Variants in ITSN1 observed in about 807,000 individuals in gnomAD.
The protein encoded by ITSN1 is intersectin-1.
ITSN1 carries 58 observed loss-of-function variants against 239.8 expected under a neutral mutation model. The observed-to-expected ratio is 0.24, with a 90% CI of 0.20 to 0.30. The LOEUF is 0.30. ITSN1 is among the 10% of genes least tolerant of loss of function. The pLI is 1.00. For synonymous variants in ITSN1, 780 were observed against 770.8 expected, an observed-to-expected ratio of 1.01 and a Z score of -0.20; for missense variants, 1,558 against 2,103.3, an observed-to-expected ratio of 0.74 and a Z score of 5.07.
At chr21:33,690,835 A>T (rs1235384635) in intron 1 of ITSN1, among the ~76,000 whole-genome samples, 1 of 71,824 alleles carries the variant, frequency 1.4e-5, no homozygotes, top group Non-Finnish European at 2.9e-5. Context: ...ATATATATAT[A>T]TATGTAAAAG....
chr21:33,885,005 TTC>T (rs1985546713), intron 36 of ITSN1, 34 bp from the exon 37 acceptor site: 7 of 1,551,074 alleles, frequency 4.5e-6, no homozygotes, highest in Non-Finnish European at 6.2e-6. Context: ...TTTCCTGAGT[TTC>T]TGTTTGGCAA....
At chr21:33,800,739 C>T (rs1464012222) in intron 19 of ITSN1, among the ~76,000 whole-genome samples, 1 of 151,440 alleles carries the variant, frequency 6.6e-6, no homozygotes, top group Non-Finnish European at 1.5e-5. Context: ...GTTCTAGTTA[C>T]TCTCTTTAGA....
intron 5 of ITSN1, among the ~76,000 whole-genome samples, chr21:33,748,406 G>T (rs541737053): frequency 6.6e-6 from 1 of 152,050 alleles, no homozygotes; most frequent in African/African-American, 2.4e-5. Flanking sequence ...CTGTGATCAC[G>T]TGACTGTACT....
chr21:33,712,048 T>C (rs2092432785), intron 1 of ITSN1, among the ~76,000 whole-genome samples: 2 of 152,246 alleles, frequency 1.3e-5, no homozygotes, highest in African/African-American at 2.4e-5. Context: ...AGTTTTTCTT[T>C]CTCTGCTGAT....
At position 33,761,907 on chromosome 21, in the gene ITSN1, C is replaced by A. The variant is rs367975857; in HGVS notation, c.725-16C>A. On this transcript the variant is annotated splice_polypyrimidine_tract_variant and intron_variant, in intron 8 of 39. Coordinates refer to ENST00000381318, the MANE Select transcript of ITSN1 (RefSeq NM_003024.3). ...TGCTGACTCATCTGTATGTCCTTTT[C>A]CTGGTTCCTGTTTAGGTCCCCAAGC... 6.2e-6 allele frequency: 10 copies of A among 1,606,810 alleles called. No individual in the cohort carries two copies. The highest frequency in any genetic ancestry group is 1.3e-5 in the African/African-American group (1 of 74,710).
chr21:33,750,064 A>T, intron 5 of ITSN1, 79 bp from the exon 6 acceptor site: 1 of 1,271,456 alleles, frequency 7.9e-7, no homozygotes, highest in Non-Finnish European at 1.1e-6. Context: ...GATTTTCTTT[A>T]AGCAGTACTG....
At position 33,718,773 on chromosome 21, in the gene ITSN1, T is replaced by A; in HGVS notation, c.-32-24T>A. Reference sequence around the variant, plus strand: ...TACAGGAATTAAGTTTTCATAAACTTAAATGTTGCATTTTCACTTACAGGC... The same window carrying A: ...TACAGGAATTAAGTTTTCATAAACTAAAATGTTGCATTTTCACTTACAGGC... On this transcript the variant is annotated intron_variant, in intron 1 of 39. Transcript: ENST00000381318. 2.0e-6 allele frequency: 3 copies of A among 1,521,180 alleles called. No homozygotes were observed. In the Admixed American group the frequency reaches 5.1e-5, roughly 26 times the overall value. The allele number at this position is 1,521,180 out of a possible 1,614,324, so 94.2% of individuals were successfully genotyped here. A position where few individuals can be genotyped will look rare whatever the true frequency, so the allele number is the denominator to read the frequency against.
chr21:33,866,143 CTTGTGGA>C lies in ITSN1; in HGVS notation c.4074+810_4074+816del, dbSNP rs964391469. 3.8e-3 allele frequency among the ~76,000 whole-genome samples: 586 copies of C among 152,332 alleles called. 7 individuals carry two copies. Among genetic ancestry groups the C allele is most frequent in the African/African-American group, 0.013 (555 of 41,566 alleles). On this transcript the variant is annotated intron_variant, in intron 32 of 39. Coordinates refer to ENST00000381318, the MANE Select transcript of ITSN1 (RefSeq NM_003024.3). ...CATCCTCACCTGTCCTAGAGTGGTG[CTTGTGGA>C]ATCACTGTGGTGAGGCACAAGCGCA... is the stretch of plus-strand genomic sequence containing the variant.
chr21:33,774,715 T>G lies in ITSN1; in HGVS notation c.1306-14T>G. The G allele has an allele frequency of 1.2e-6, 2 of 1,608,514 alleles. No individual in the cohort carries two copies. The highest frequency in any genetic ancestry group is 2.7e-5 in the African/African-American group (2 of 74,424). ...AACTGAAAAATTAGTAATTTGTCTC[T>G]GTAAATGTCACAGGCTGCAAAACGG... On this transcript the variant is annotated splice_polypyrimidine_tract_variant and intron_variant, in intron 12 of 39. Transcript: ENST00000381318.
At chr21:33,653,773 C>T (rs752073365) in intron 1 of ITSN1, among the ~76,000 whole-genome samples, 9 of 152,150 alleles carry the variant, frequency 5.9e-5, no homozygotes, top group Non-Finnish European at 7.4e-5. Context: ...CCGCCCGTCT[C>T]GGCCTCCCAC....
intron 28 of ITSN1, among the ~76,000 whole-genome samples, chr21:33,835,350 G>A (rs2074542570): frequency 6.6e-6 from 1 of 152,126 alleles, no homozygotes; most frequent in Non-Finnish European, 1.5e-5. Context: ...TCCATGTACA[G>A]CCCCTTCCTC....
At chr21:33,723,548 A>C (rs2065630013) in intron 4 of ITSN1, among the ~76,000 whole-genome samples, 2 of 152,074 alleles carry the variant, frequency 1.3e-5, no homozygotes. Context: ...CAGGAGGCAG[A>C]GCTTGCAGTG....
intron 33 of ITSN1, among the ~76,000 whole-genome samples, chr21:33,875,013 T>G (rs1019107680): frequency 2.3e-4 from 35 of 152,226 alleles, no homozygotes; most frequent in African/African-American, 7.5e-4. Flanking sequence ...TGTGATCCTG[T>G]GAGTCTGCAT....
intron 24 of ITSN1, among the ~76,000 whole-genome samples, 186 bp downstream of exon 24, chr21:33,819,509 A>G (rs1391181341): frequency 6.6e-6 from 1 of 152,224 alleles, no homozygotes; most frequent in Non-Finnish European, 1.5e-5. Context: ...CAGGTATATT[A>G]ATCATCAAAA....
At position 33,799,792 on chromosome 21, in the gene ITSN1, CT is replaced by C. The variant is rs779629540; in HGVS notation, c.2183-9del. ...AATTATTTATTTTTGTCCCCCCCACCTTTTTTTGTAAACAGAAAAAGGTCCA... is the reference window on the plus strand; with the variant it reads ...AATTATTTATTTTTGTCCCCCCCACCTTTTTTGTAAACAGAAAAAGGTCCA... On this transcript the variant is annotated splice_polypyrimidine_tract_variant and intron_variant, in intron 18 of 39. Coordinates refer to ENST00000381318, the MANE Select transcript of ITSN1 (RefSeq NM_003024.3). 12 of 1,611,520 alleles carry C rather than the reference CT, an allele frequency of 7.4e-6. No homozygotes were observed. The African/African-American group carries it at 8.0e-5, about 11-fold the overall frequency.
intron 33 of ITSN1, among the ~76,000 whole-genome samples, chr21:33,868,390 C>T (rs878983744): frequency 4.6e-5 from 7 of 152,338 alleles, no homozygotes; most frequent in Admixed American, 2.6e-4. Context: ...CGGGGAGGCT[C>T]GGGCTGCACA....
chr21:33,691,403 C>T (rs1601662520), intron 1 of ITSN1, among the ~76,000 whole-genome samples: 1 of 152,130 alleles, frequency 6.6e-6, no homozygotes, highest in Non-Finnish European at 1.5e-5. Context: ...ATTTAATTAT[C>T]TTTGTTAAAG....
At chr21:33,815,539 GGC>G (rs1191307569) in intron 22 of ITSN1, among the ~76,000 whole-genome samples, 1 of 152,034 alleles carries the variant, frequency 6.6e-6, no homozygotes, top group Non-Finnish European at 1.5e-5. Context: ...ACACTGCAGG[GGC>G]GTAAAAGGAA....
At chr21:33,848,155 A>T (rs1017814815) in intron 29 of ITSN1, among the ~76,000 whole-genome samples, 2 of 152,230 alleles carry the variant, frequency 1.3e-5, no homozygotes, top group Non-Finnish European at 1.5e-5. Context: ...TGTCCCTCAG[A>T]TTCACACGTT....
Sources: allele counts gnomAD v4.1 joint callset (sites outside exome capture counted in the v4.1 genomes callset), GRCh38; gene constraint gnomAD v4.1.1; transcripts MANE v1.5; gene names NCBI Gene and HGNC (gene_info 2026-07-23, HGNC 2026-07-21).